Variants in GBE1 observed in about 807,000 individuals in gnomAD.
GBE1 encodes the protein 1,4-alpha-glucan-branching enzyme.
In GBE1, 70 loss-of-function variants were observed where a neutral mutation model predicts 88.8. The observed-to-expected ratio is 0.79, with a 90% CI of 0.65 to 0.96. GBE1 has a LOEUF of 0.96. GBE1 is among the 40% of genes least tolerant of loss of function. The pLI is 0.00. For missense variants in GBE1, 872 were observed against 871.0 expected (o/e 1.00, Z -0.01); for synonymous variants, 284 against 300.1 (o/e 0.95, Z 0.56).
At chr3:81,660,275 G>A (rs754866223) in intron 3 of GBE1, among the ~76,000 whole-genome samples, 1 of 152,178 alleles carries the variant, frequency 6.6e-6, no homozygotes, top group Non-Finnish European at 1.5e-5. Flanking sequence ...AAACAGTGAT[G>A]ATGGGAAGAA....
intron 7 of GBE1, among the ~76,000 whole-genome samples, chr3:81,629,332 T>C (rs1322956378): frequency 6.6e-6 from 1 of 151,450 alleles, no homozygotes; most frequent in Non-Finnish European, 1.5e-5. Context: ...TCCAATTTCA[T>C]CCATGTCCCT....
chr3:81,643,908 C>G (rs1028455943), intron 6 of GBE1, among the ~76,000 whole-genome samples: 1 of 152,140 alleles, frequency 6.6e-6, no homozygotes, highest in African/African-American at 2.4e-5. Flanking sequence ...TTGTCCTGAT[C>G]GTGGCCTACT....
chr3:81,510,985 A>G (rs891742919), intron 14 of GBE1, among the ~76,000 whole-genome samples: 2 of 152,066 alleles, frequency 1.3e-5, no homozygotes, highest in African/African-American at 4.8e-5. Flanking sequence ...CCATCTCACA[A>G]GGTATATGTA....
At chr3:81,680,242 C>A (rs146148075) in intron 2 of GBE1, among the ~76,000 whole-genome samples, 4,301 of 152,172 alleles carry the variant, frequency 0.028, 222 homozygotes, top group African/African-American at 0.094. Flanking sequence ...GCCCGTAAAC[C>A]CAGCGCTTTG....
intron 1 of GBE1, among the ~76,000 whole-genome samples, chr3:81,737,451 T>C (rs1046953038): frequency 7.2e-5 from 10 of 139,098 alleles, no homozygotes; most frequent in East Asian, 2.0e-4. Context: ...CAAAATTATA[T>C]ATATATAAAA....
intron 10 of GBE1, among the ~76,000 whole-genome samples, chr3:81,585,136 C>A (rs1173267811): frequency 6.6e-6 from 1 of 151,728 alleles, no homozygotes; most frequent in African/African-American, 2.4e-5. Flanking sequence ...GCTTTTTGAC[C>A]TGATAATGTT....
At chr3:81,638,999 T>C (rs984738076) in intron 7 of GBE1, among the ~76,000 whole-genome samples, 1 of 152,214 alleles carries the variant, frequency 6.6e-6, no homozygotes, top group African/African-American at 2.4e-5. Flanking sequence ...GCCATATTTA[T>C]GTCTGTTTGT....
chr3:81,659,559 A>C (rs1164450141), intron 3 of GBE1, among the ~76,000 whole-genome samples: 3 of 145,758 alleles, frequency 2.1e-5, no homozygotes, highest in East Asian at 4.0e-4. Context: ...CATATTGGCC[A>C]GGTTGATCTC....
chr3:81,545,294 G>A (rs1046674519), intron 12 of GBE1, among the ~76,000 whole-genome samples: 8 of 152,084 alleles, frequency 5.3e-5, no homozygotes, highest in African/African-American at 1.9e-4. Context: ...GTTATGGGAA[G>A]GGGCCACATC....
chr3:81,568,710 T>C (rs1703530846), intron 12 of GBE1, among the ~76,000 whole-genome samples: 1 of 152,118 alleles, frequency 6.6e-6, no homozygotes, highest in Admixed American at 6.6e-5. Flanking sequence ...TCTTAAAAGG[T>C]TGACTTAAGG....
intron 1 of GBE1, among the ~76,000 whole-genome samples, chr3:81,710,748 A>C (rs755741738): frequency 6.6e-5 from 10 of 152,120 alleles, no homozygotes; most frequent in South Asian, 2.1e-4. Context: ...TACTTTATCA[A>C]TGTTCTTTTA....
chr3:81,503,450 G>T (rs1019178194), intron 14 of GBE1, among the ~76,000 whole-genome samples: 8 of 152,166 alleles, frequency 5.3e-5, no homozygotes, highest in African/African-American at 1.9e-4. Flanking sequence ...TAACCCGGAG[G>T]TTGTAAACAG....
chr3:81,696,691 A>G (rs557508395), intron 2 of GBE1, among the ~76,000 whole-genome samples: 1 of 152,348 alleles, frequency 6.6e-6, no homozygotes, highest in African/African-American at 2.4e-5. Flanking sequence ...AACCATAAAC[A>G]AGATAATTTT....
chr3:81,550,888 G>A (rs1260760888), intron 12 of GBE1, among the ~76,000 whole-genome samples: 1 of 152,172 alleles, frequency 6.6e-6, no homozygotes, highest in African/African-American at 2.4e-5. Context: ...CTCTGTCTAT[G>A]GAGTAGCCAT....
intron 7 of GBE1, among the ~76,000 whole-genome samples, chr3:81,595,127 TAA>T (rs1177322179): frequency 2.4e-4 from 32 of 136,030 alleles, no homozygotes; most frequent in Middle Eastern, 3.7e-3. Flanking sequence ...TTTACTAAGT[TAA>T]AAAAAAAAAA....
chr3:81,524,564 C>A (rs1015868477), intron 14 of GBE1, among the ~76,000 whole-genome samples: 1 of 151,664 alleles, frequency 6.6e-6, no homozygotes, highest in Non-Finnish European at 1.5e-5. Context: ...AGTCTTTAAT[C>A]CACTTTGATT....
At chr3:81,552,693 A>G (rs927997472) in intron 12 of GBE1, among the ~76,000 whole-genome samples, 2 of 152,192 alleles carry the variant, frequency 1.3e-5, no homozygotes, top group Non-Finnish European at 2.9e-5. Context: ...CTAAAGACTT[A>G]TTAGCATTAC....
At position 81,722,915 on chromosome 3, in the gene GBE1, T is replaced by TATATATATATATAC. The variant is rs1347664692; in HGVS notation, c.144-17303_144-17302insGTATATATATATAT. On this transcript the variant is annotated intron_variant, in intron 1 of 15. Coordinates refer to ENST00000429644, the MANE Select transcript of GBE1 (RefSeq NM_000158.4). ...GTGTGTGTATATATATATATATATA[T>TATATATATATATAC]ACACACAAGTAAATATATATGTACT... 9.1e-4 allele frequency among the ~76,000 whole-genome samples: 132 copies of TATATATATATATAC among 145,458 alleles called. 1 individual carries two copies. The highest frequency in any genetic ancestry group is 7.1e-3 in the Middle Eastern group (2 of 282).
At chr3:81,527,025 T>C (rs1187006653) in intron 14 of GBE1, among the ~76,000 whole-genome samples, 1 of 152,012 alleles carries the variant, frequency 6.6e-6, no homozygotes, top group Non-Finnish European at 1.5e-5. Flanking sequence ...AACAGAGATA[T>C]AGACCAATGG....
Sources: gnomAD v4.1 joint callset for allele counts (sites outside exome capture counted in the v4.1 genomes callset) on GRCh38, gnomAD v4.1.1 for gene constraint, MANE v1.5 for transcripts, NCBI Gene and HGNC (gene_info 2026-07-23, HGNC 2026-07-21) for gene names.